DLGAP1: variants seen among roughly 807,000 people sequenced by gnomAD.
The protein encoded by DLGAP1 is disks large-associated protein 1.
A neutral mutation model predicts 90.8 loss-of-function variants in DLGAP1; 11 were observed. The observed-to-expected ratio is 0.12, with a 90% CI of 0.08 to 0.20. The LOEUF (loss-of-function observed/expected upper bound fraction) is 0.20. DLGAP1 is among the 10% of genes least tolerant of loss of function. The probability of loss-of-function intolerance (pLI) is 1.00; values close to 1 mark genes in which losing one functional copy is unlikely to be tolerated. For synonymous variants in DLGAP1, 558 were observed against 540.7 expected, an observed-to-expected ratio of 1.03 and a Z score of -0.44; for missense variants, 1,050 against 1,333.8, an observed-to-expected ratio of 0.79 and a Z score of 3.31.
chr18:4,438,038 T>C (rs2083445392), intron 1 of DLGAP1, among the ~76,000 whole-genome samples: 1 of 152,178 alleles, frequency 6.6e-6, no homozygotes, highest in South Asian at 2.1e-4. Flanking sequence ...TTATTCTTTA[T>C]ACTAGGGCTA....
In DLGAP1 at chr18:3,880,121, G is replaced by A. The variant is rs567816233; in HGVS notation, c.-53C>T. ...ATGGACACCCGGAAGTCAGGCTCCA[G>A]ACCCGTCTTGGGCAGGGATCTGGGG... On this transcript the variant is annotated 5_prime_UTR_variant, in exon 4 of 13. Transcript: ENST00000315677. 3.5e-4 allele frequency: 543 copies of A among 1,542,914 alleles called. 1 individual carries two copies. Among genetic ancestry groups the A allele is most frequent in the Non-Finnish European group, 3.6e-4 (410 of 1,132,494 alleles).
rs984840341 is a variant in DLGAP1, at chr18:3,647,060, C to T, written c.1592-64812G>A. On this transcript the variant is annotated intron_variant, in intron 7 of 12. Coordinates refer to ENST00000315677, the MANE Select transcript of DLGAP1 (RefSeq NM_004746.4). Reference sequence around the variant, plus strand: ...GGTCAGGAGTTCCAGACCAGCCTGACCAACACGGTGAAACCCTGTTTCTAC... The same window carrying T: ...GGTCAGGAGTTCCAGACCAGCCTGATCAACACGGTGAAACCCTGTTTCTAC... 4.6e-5 allele frequency among the ~76,000 whole-genome samples: 7 copies of T among 152,050 alleles called. No homozygotes were observed. In the East Asian group the frequency reaches 9.6e-4, roughly 21 times the overall value.
At chr18:3,740,497 T>G (rs1246089737) in intron 6 of DLGAP1, among the ~76,000 whole-genome samples, 4 of 152,148 alleles carry the variant, frequency 2.6e-5, no homozygotes, top group African/African-American at 9.7e-5. Flanking sequence ...TACTCTGCCC[T>G]TGGAGCCTGC....
At chr18:4,323,762 C>G (rs2080752329) in intron 1 of DLGAP1, among the ~76,000 whole-genome samples, 1 of 152,048 alleles carries the variant, frequency 6.6e-6, no homozygotes, top group South Asian at 2.1e-4. Flanking sequence ...ACAAGCTGCT[C>G]CTGAATGACT....
chr18:3,533,795 A>T (rs1192521167), intron 10 of DLGAP1, among the ~76,000 whole-genome samples: 1 of 152,114 alleles, frequency 6.6e-6, no homozygotes, highest in Non-Finnish European at 1.5e-5. Context: ...TATATAGTAG[A>T]TGTATATATT....
intron 3 of DLGAP1, among the ~76,000 whole-genome samples, chr18:3,907,550 C>T (rs1197079439): frequency 6.6e-6 from 1 of 152,152 alleles, no homozygotes; most frequent in Admixed American, 6.5e-5. Context: ...CAGGCTGGAG[C>T]TGATGTGGAG....
chr18:3,576,502 G>T (rs1343900186), intron 8 of DLGAP1, among the ~76,000 whole-genome samples: 3 of 151,122 alleles, frequency 2.0e-5, no homozygotes, highest in African/African-American at 4.9e-5. Flanking sequence ...CTTGTGATCC[G>T]CCTGCCTTGA....
At chr18:3,672,732 G>A (rs1598293820) in intron 7 of DLGAP1, among the ~76,000 whole-genome samples, 1 of 151,646 alleles carries the variant, frequency 6.6e-6, no homozygotes, top group South Asian at 2.1e-4. Flanking sequence ...TAATCTTGTT[G>A]TATCAGTTTC....
At chr18:4,400,365 C>T (rs2082529306) in intron 1 of DLGAP1, among the ~76,000 whole-genome samples, 1 of 152,228 alleles carries the variant, frequency 6.6e-6, no homozygotes, top group Non-Finnish European at 1.5e-5. Flanking sequence ...AAGGACAATT[C>T]CTCTCCTGCT....
chr18:4,055,965 G>A (rs1000303509), intron 2 of DLGAP1, among the ~76,000 whole-genome samples: 1 of 152,158 alleles, frequency 6.6e-6, no homozygotes, highest in South Asian at 2.1e-4. Flanking sequence ...AAAAGAAAAC[G>A]ACTCTCACAG....
At chr18:3,669,088 T>C (rs978433973) in intron 7 of DLGAP1, among the ~76,000 whole-genome samples, 1 of 129,842 alleles carries the variant, frequency 7.7e-6, no homozygotes, top group Non-Finnish European at 1.8e-5. Flanking sequence ...CAAATACAAG[T>C]GATAAGTGTT....
At chr18:3,619,587 C>G (rs1188800237) in intron 7 of DLGAP1, among the ~76,000 whole-genome samples, 2 of 152,152 alleles carry the variant, frequency 1.3e-5, no homozygotes, top group Admixed American at 6.5e-5. Flanking sequence ...CGCCCTAGTC[C>G]TTCCTTCTCT....
chr18:3,689,971 T>C (rs149703609), intron 7 of DLGAP1, among the ~76,000 whole-genome samples: 4 of 151,504 alleles, frequency 2.6e-5, no homozygotes, highest in Admixed American at 6.6e-5. Context: ...AATCCTGGCA[T>C]ATAGTTTGGA....
At chr18:4,236,917 A>G (rs2078428503) in intron 1 of DLGAP1, among the ~76,000 whole-genome samples, 1 of 152,182 alleles carries the variant, frequency 6.6e-6, no homozygotes, top group African/African-American at 2.4e-5. Context: ...ACAATTTAGC[A>G]TGGGAAAAAC....
chr18:3,785,718 G>A (rs937772687), intron 5 of DLGAP1, among the ~76,000 whole-genome samples: 1 of 152,196 alleles, frequency 6.6e-6, no homozygotes, highest in Non-Finnish European at 1.5e-5. Flanking sequence ...GATAGCGAAT[G>A]AGATTTACAG....
Position 3,775,923 on chromosome 18 carries a change from C to A in DLGAP1, c.1173-33411G>T, listed in dbSNP as rs539026498. ...TTTTTGAACTTGAGATAAATGATGTCTAGATCTAGTAAATGGTAAAGGTGC... is the reference window on the plus strand; with the variant it reads ...TTTTTGAACTTGAGATAAATGATGTATAGATCTAGTAAATGGTAAAGGTGC... On this transcript the variant is annotated intron_variant, in intron 5 of 12. Coordinates refer to ENST00000315677, the MANE Select transcript of DLGAP1 (RefSeq NM_004746.4). The surrounding 1 kb of genome is among the most constrained non-coding windows in gnomAD (Gnocchi z 4.9). Among the ~76,000 whole-genome samples, 165 of 152,276 alleles carry A rather than the reference C, an allele frequency of 1.1e-3. 2 individuals carry two copies. Among genetic ancestry groups the A allele is most frequent in the Middle Eastern group, 6.8e-3 (2 of 294 alleles).
intron 1 of DLGAP1, among the ~76,000 whole-genome samples, chr18:4,319,993 C>A (rs1159882417): frequency 6.6e-6 from 1 of 152,152 alleles, no homozygotes; most frequent in Admixed American, 6.5e-5. Context: ...TCCATTCTCC[C>A]TCCAACCTTG....
chr18:3,853,338 G>A (rs1192689925), intron 4 of DLGAP1, among the ~76,000 whole-genome samples: 2 of 151,998 alleles, frequency 1.3e-5, no homozygotes, highest in Admixed American at 6.6e-5. Context: ...TTTAGAACAC[G>A]GTCATGGGCC....
At chr18:3,642,012 T>G (rs1201575585) in intron 7 of DLGAP1, among the ~76,000 whole-genome samples, 1 of 152,230 alleles carries the variant, frequency 6.6e-6, no homozygotes, top group South Asian at 2.1e-4. Context: ...CACTAACACC[T>G]GGGTCCCCTT....
Sources: allele counts gnomAD v4.1 joint callset (sites outside exome capture counted in the v4.1 genomes callset), GRCh38; gene constraint gnomAD v4.1.1; non-coding constraint Gnocchi (gnomAD v3.1); transcripts MANE v1.5; gene names NCBI Gene and HGNC (gene_info 2026-07-23, HGNC 2026-07-21).